The following KRABD5 variants were observed in gnomAD, a reference collection of about 807,000 sequenced individuals.
The protein encoded by KRABD5 is KRAB domain-containing protein 5.
the KRABD5 span, among the ~76,000 whole-genome samples, chr16:31,726,437 G>A: frequency 6.6e-6 from 1 of 152,138 alleles, no homozygotes; most frequent in Non-Finnish European, 1.5e-5. Flanking sequence ...TTATGATTGT[G>A]TTGGCTATTT....
At chr16:31,746,925 T>G in the KRABD5 span, among the ~76,000 whole-genome samples, 2 of 152,056 alleles carry the variant, frequency 1.3e-5, no homozygotes, top group Admixed American at 1.3e-4. Flanking sequence ...GATACTTGTG[T>G]GTGCTTCATG....
At chr16:31,727,305 G>T in the KRABD5 span, among the ~76,000 whole-genome samples, 2 of 152,178 alleles carry the variant, frequency 1.3e-5, no homozygotes, top group African/African-American at 2.4e-5. Context: ...TGCAGGGCAG[G>T]TGAGCCCCCA....
At chr16:31,759,222 A>G in the KRABD5 span, 2 of 954,382 alleles carry the variant, frequency 2.1e-6, no homozygotes, top group African/African-American at 3.3e-5. Flanking sequence ...AACTAATTGT[A>G]TAGCTTTTAG....
the KRABD5 span, chr16:31,722,731 T>A: frequency 4.1e-5 from 66 of 1,607,526 alleles, no homozygotes; most frequent in Non-Finnish European, 5.9e-6. Flanking sequence ...GTTAGAGAAC[T>A]ACGGAAACCT....
chr16:31,735,921 A>T, the KRABD5 span, among the ~76,000 whole-genome samples: 1 of 152,056 alleles, frequency 6.6e-6, no homozygotes, highest in Non-Finnish European at 1.5e-5. Flanking sequence ...GGTTGATGTA[A>T]TCTCATTTGC....
chr16:31,727,161 G>A, the KRABD5 span, among the ~76,000 whole-genome samples: 3 of 152,256 alleles, frequency 2.0e-5, no homozygotes, highest in East Asian at 5.8e-4. Context: ...ATGAGTATTA[G>A]CTCTAACTCT....
chr16:31,747,330 T>A, the KRABD5 span, among the ~76,000 whole-genome samples: 1 of 152,188 alleles, frequency 6.6e-6, no homozygotes, highest in Admixed American at 6.5e-5. Context: ...CATCCTTTTT[T>A]ATGGCTGCAT....
At chr16:31,755,244 C>A in the KRABD5 span, 1 of 481,820 alleles carries the variant, frequency 2.1e-6, no homozygotes, top group Admixed American at 2.3e-5. Flanking sequence ...AAATCTTTTT[C>A]TCGTTCCTCA....
the KRABD5 span, chr16:31,758,043 A>G: frequency 6.6e-6 from 1 of 152,206 alleles, no homozygotes; most frequent in African/African-American, 2.4e-5. Flanking sequence ...GACATCTTGT[A>G]TCAACACATC....
chr16:31,748,581 A>G, the KRABD5 span, among the ~76,000 whole-genome samples: 11 of 152,254 alleles, frequency 7.2e-5, no homozygotes, highest in African/African-American at 2.6e-4. Flanking sequence ...CCATCTTGTG[A>G]GGCCTACTTC....
the KRABD5 span, among the ~76,000 whole-genome samples, chr16:31,725,068 C>T: frequency 6.6e-6 from 1 of 152,158 alleles, no homozygotes; most frequent in Non-Finnish European, 1.5e-5. Context: ...GAATAATCAG[C>T]TGTGAACATA....
At chr16:31,739,785 G>T in the KRABD5 span, among the ~76,000 whole-genome samples, 4 of 152,270 alleles carry the variant, frequency 2.6e-5, no homozygotes, top group South Asian at 6.2e-4. Flanking sequence ...GTTCGTGATG[G>T]CCATAACGCC....
chr16:31,753,645 T>G, the KRABD5 span: 1 of 988,986 alleles, frequency 1.0e-6, no homozygotes, highest in Non-Finnish European at 1.4e-6. Flanking sequence ...CAAAGGGGCC[T>G]CAAGTTTTTG....
At chr16:31,714,486 A>G in the KRABD5 span, 1 of 452,178 alleles carries the variant, frequency 2.2e-6, no homozygotes, top group South Asian at 1.6e-5. Flanking sequence ...GACGTTTGCT[A>G]TCCTGGGGTA....
the KRABD5 span, chr16:31,755,792 C>T: frequency 2.8e-5 from 9 of 323,898 alleles, no homozygotes; most frequent in East Asian, 8.3e-5. Context: ...ATAGGGAAAC[C>T]GACTTTACAG....
At chr16:31,750,875 T>C in the KRABD5 span, among the ~76,000 whole-genome samples, 92,114 of 151,916 alleles carry the variant, frequency 0.61, 28,965 homozygotes, top group Middle Eastern at 0.73. Context: ...TTCTCATGCC[T>C]CAGTCGCCAG....
the KRABD5 span, chr16:31,757,844 AGG>A: frequency 5.2e-3 from 761 of 145,208 alleles, 4 homozygotes; most frequent in African/African-American, 0.016. Flanking sequence ...GTAGGTAGGT[AGG>A]TAGGTAGATA....
At chr16:31,724,647 G>A in the KRABD5 span, among the ~76,000 whole-genome samples, 3 of 150,288 alleles carry the variant, frequency 2.0e-5, no homozygotes, top group East Asian at 3.9e-4. Flanking sequence ...AGCCGAGATC[G>A]CGCCACTGCA....
chr16:31,719,664 T>C, the KRABD5 span, among the ~76,000 whole-genome samples: 1 of 152,210 alleles, frequency 6.6e-6, no homozygotes. Context: ...CAGAACTGTT[T>C]GTTGGAGATC....
Sources: allele counts gnomAD v4.1 joint callset (sites outside exome capture counted in the v4.1 genomes callset), GRCh38; gene constraint gnomAD v4.1.1; transcripts MANE v1.5; gene names NCBI Gene and HGNC (gene_info 2026-07-23, HGNC 2026-07-21).